The following KLHL4 variants were observed in gnomAD, a reference collection of about 807,000 sequenced individuals.
The protein encoded by KLHL4 is kelch like family member 4, also known as kelch-like protein 4.
KLHL4 carries 17 observed loss-of-function variants against 45.8 expected under a neutral mutation model. That is an observed-to-expected ratio of 0.37 (90% CI 0.25 to 0.56). The LOEUF is 0.56. Ranked by LOEUF, KLHL4 falls within the 20% of genes least tolerant of loss-of-function variation. The pLI is 0.79. For synonymous variants in KLHL4, 224 were observed against 189.9 expected (o/e 1.18, Z -1.47); for missense variants, 544 against 544.9 (o/e 1.00, Z 0.02).
At chrX:87,599,974 C>A (rs897994049) in intron 1 of KLHL4, among the ~76,000 whole-genome samples, 7 of 112,521 alleles carry the variant, frequency 6.2e-5, no homozygotes, top group Admixed American at 4.7e-4. Flanking sequence ...CTTGTATTTT[C>A]TATTTTTCAA....
intron 1 of KLHL4, among the ~76,000 whole-genome samples, chrX:87,611,666 T>C (rs1393730953): frequency 9.2e-6 from 1 of 108,372 alleles, no homozygotes; most frequent in African/African-American, 3.4e-5. Flanking sequence ...GTACATACTA[T>C]ACTATACTAT....
chrX:87,551,036 A>C (rs899972689), intron 1 of KLHL4, among the ~76,000 whole-genome samples: 1 of 111,253 alleles, frequency 9.0e-6, no homozygotes, highest in African/African-American at 3.3e-5. Flanking sequence ...AATAAAATGC[A>C]TCCAAATCAG....
chrX:87,643,448 G>C (rs965551751), intron 9 of KLHL4, among the ~76,000 whole-genome samples: 2 of 111,198 alleles, frequency 1.8e-5, no homozygotes, highest in African/African-American at 6.5e-5. Context: ...TCCAGGACCA[G>C]ACAGATTCAC....
intron 1 of KLHL4, among the ~76,000 whole-genome samples, chrX:87,566,878 A>G (rs1340282134): frequency 9.0e-6 from 1 of 111,409 alleles, no homozygotes; most frequent in Non-Finnish European, 1.9e-5. Context: ...ACACATGGAC[A>G]CATAGAGGAG....
intron 9 of KLHL4, among the ~76,000 whole-genome samples, chrX:87,658,883 C>A (rs1179442687): frequency 9.0e-6 from 1 of 111,043 alleles, no homozygotes; most frequent in Non-Finnish European, 1.9e-5. Flanking sequence ...TTTTATGTGA[C>A]AAGTTGCTTT....
chrX:87,577,494 G>C (rs1921136950), intron 1 of KLHL4, among the ~76,000 whole-genome samples: 2 of 111,810 alleles, frequency 1.8e-5, no homozygotes, highest in Non-Finnish European at 3.8e-5. Flanking sequence ...AACAGTTGTT[G>C]ACTGAAGATT....
intron 1 of KLHL4, among the ~76,000 whole-genome samples, chrX:87,602,975 A>T (rs1422550540): frequency 8.9e-6 from 1 of 111,862 alleles, no homozygotes; most frequent in Non-Finnish European, 1.9e-5. Context: ...ATTGTCTTTT[A>T]AATCATAAAG....
chrX:87,646,204 C>G (rs1460459201), intron 9 of KLHL4, among the ~76,000 whole-genome samples: 3 of 111,196 alleles, frequency 2.7e-5, no homozygotes, highest in Non-Finnish European at 5.7e-5. Context: ...TGAAAGACCT[C>G]TACAATGAAA....
At chrX:87,650,565 G>A (rs1458052600) in intron 9 of KLHL4, among the ~76,000 whole-genome samples, 1 of 112,195 alleles carries the variant, frequency 8.9e-6, no homozygotes, top group African/African-American at 3.2e-5. Context: ...CAAATAAAGT[G>A]GTAAATGTGG....
At chrX:87,648,292 A>G (rs907995761) in intron 9 of KLHL4, among the ~76,000 whole-genome samples, 4 of 111,743 alleles carry the variant, frequency 3.6e-5, no homozygotes, top group African/African-American at 1.3e-4. Flanking sequence ...GGCATCCTCA[A>G]GGAAAATTTA....
chrX:87,598,318 A>G (rs1921902650), intron 1 of KLHL4, among the ~76,000 whole-genome samples: 1 of 111,258 alleles, frequency 9.0e-6, no homozygotes, highest in Non-Finnish European at 1.9e-5. Flanking sequence ...TCTTTTAAAC[A>G]GTATCAATCT....
chrX:87,668,805 C>A lies in KLHL4; in HGVS notation c.*2271C>A. 7.8e-6 allele frequency: 2 copies of A among 255,106 alleles called. No homozygotes were observed. The highest frequency in any genetic ancestry group is 1.1e-5 in the Non-Finnish European group (2 of 183,088). The allele number at this position is 255,106 out of a possible 1,213,427, so 21.0% of individuals were successfully genotyped here. On this transcript the variant is annotated 3_prime_UTR_variant, in exon 11 of 11. Coordinates refer to ENST00000373119, the MANE Select transcript of KLHL4 (RefSeq NM_019117.5). Reference sequence around the variant, plus strand: ...GGACTTACCTGACAGCTCTTACCAACAAGAAGGCCATCCCAGATATGGCCT... The same window carrying A: ...GGACTTACCTGACAGCTCTTACCAAAAAGAAGGCCATCCCAGATATGGCCT...
chrX:87,637,900 GATC>G (rs1923319429), intron 9 of KLHL4, among the ~76,000 whole-genome samples: 1 of 111,982 alleles, frequency 8.9e-6, no homozygotes, highest in African/African-American at 3.3e-5. Flanking sequence ...AGTGAGCTGA[GATC>G]ATGCCACTGC....
At position 87,622,336 on chromosome X, in the gene KLHL4, G is replaced by A; in HGVS notation, c.1050G>A (p.Met350Ile). ...AAGAGACCATTTTTCATGCTCTAAT[G>A]CAGTGGGTGGGGCATGATGTGCAGA... ...PDEETIFHALMQWVGHDVQNR... is the reference protein window; with the variant it reads ...PDEETIFHALIQWVGHDVQNR... The change falls in exon 5 of 11, where the codon ATG (methionine) becomes ATA (isoleucine). Residue 350 changes from methionine to isoleucine, a missense_variant. Met to Ile is a conservative substitution (Grantham distance 10, BLOSUM62 1). Transcript: ENST00000373119. 2 of 1,208,717 alleles carry A rather than the reference G, an allele frequency of 1.7e-6. No homozygotes were observed. The highest frequency in any genetic ancestry group is 1.8e-5 in the South Asian group (1 of 56,889).
intron 5 of KLHL4, among the ~76,000 whole-genome samples, chrX:87,623,350 G>C (rs2147818994): frequency 1.1e-5 from 1 of 90,833 alleles, no homozygotes; most frequent in African/African-American, 4.3e-5. Context: ...CTGGAGTGCA[G>C]TGGGGCTATC....
In KLHL4 at chrX:87,518,094, T is replaced by G; in HGVS notation, c.201T>G (p.Ser67Arg). 8.3e-7 allele frequency: 1 copy of G among 1,211,395 alleles called. No homozygotes were observed. Residue 67 changes from serine to arginine, a missense_variant, in exon 1 of 11, where the codon AGT becomes AGG. By Grantham distance (110) the Ser-to-Arg change is moderately radical (BLOSUM62 -1). Transcript: ENST00000373119. Reference protein sequence around the residue: ...RDRNGLKKSNSPVHHNILAPV... With the variant: ...RDRNGLKKSNRPVHHNILAPV... ...GAAACGGACTGAAGAAAAGCAACAG[T>G]CCTGTCCACCACAATATACTGGCAC...
chrX:87,650,750 G>A (rs900988179), intron 9 of KLHL4, among the ~76,000 whole-genome samples: 3 of 111,441 alleles, frequency 2.7e-5, no homozygotes, highest in African/African-American at 9.8e-5. Context: ...CTATATTCAT[G>A]CTGCTGATAA....
intron 9 of KLHL4, among the ~76,000 whole-genome samples, chrX:87,656,750 T>C (rs1322849296): frequency 9.0e-6 from 1 of 111,370 alleles, no homozygotes; most frequent in African/African-American, 3.3e-5. Context: ...TTTAGGGTTA[T>C]TATAACGCCC....
intron 1 of KLHL4, among the ~76,000 whole-genome samples, chrX:87,590,674 A>C (rs916970172): frequency 2.3e-4 from 26 of 111,944 alleles, no homozygotes; most frequent in Admixed American, 2.3e-3. Flanking sequence ...AGAATGTTCA[A>C]AAATAAGCCA....
Sources: gnomAD v4.1 joint callset for allele counts (sites outside exome capture counted in the v4.1 genomes callset) on GRCh38, gnomAD v4.1.1 for gene constraint, MANE v1.5 for transcripts, NCBI Gene and HGNC (gene_info 2026-07-23, HGNC 2026-07-21) for gene names.